DRC11: variants seen among roughly 807,000 people sequenced by gnomAD.
DRC11 encodes the protein dynein regulatory complex subunit 11, also known as IQ and AAA domain-containing protein 1.
At chr2:236,374,344 A>C in the DRC11 span, among the ~76,000 whole-genome samples, 1 of 152,280 alleles carries the variant, frequency 6.6e-6, no homozygotes, top group South Asian at 2.1e-4. Context: ...GAAAAAATGA[A>C]AATATGGACA....
At chr2:236,322,180 A>C in the DRC11 span, among the ~76,000 whole-genome samples, 4 of 151,660 alleles carry the variant, frequency 2.6e-5, no homozygotes, top group African/African-American at 9.7e-5. Flanking sequence ...TTTATTCTCC[A>C]AAATCAATCT....
the DRC11 span, among the ~76,000 whole-genome samples, chr2:236,494,889 G>T: frequency 5.9e-5 from 9 of 152,186 alleles, no homozygotes; most frequent in Non-Finnish European, 1.2e-4. This position sits in a 1 kb window ranked among gnomAD's most constrained non-coding sequence, Gnocchi z 4.2. Context: ...TAGTGGGTGG[G>T]TGTGGCCTGA....
At chr2:236,396,421 C>A in the DRC11 span, among the ~76,000 whole-genome samples, 1 of 151,984 alleles carries the variant, frequency 6.6e-6, no homozygotes, top group Non-Finnish European at 1.5e-5. Context: ...TTACCAAAGA[C>A]CTGGCAGATA....
the DRC11 span, among the ~76,000 whole-genome samples, chr2:236,418,323 C>G: frequency 6.6e-6 from 1 of 152,100 alleles, no homozygotes; most frequent in Non-Finnish European, 1.5e-5. Context: ...CTCTAATGAC[C>G]AGTGATAATG....
At chr2:236,341,222 T>C in the DRC11 span, among the ~76,000 whole-genome samples, 2 of 152,132 alleles carry the variant, frequency 1.3e-5, no homozygotes, top group African/African-American at 4.8e-5. Context: ...AGGGAGGCGC[T>C]TGCTAGATGA....
At chr2:236,393,956 G>A in the DRC11 span, among the ~76,000 whole-genome samples, 9 of 152,066 alleles carry the variant, frequency 5.9e-5, no homozygotes, top group Admixed American at 1.3e-4. The surrounding 1 kb of genome is among the most constrained non-coding windows in gnomAD (Gnocchi z 4.7). Flanking sequence ...CCTTCCTCAC[G>A]CTGATATGGT....
the DRC11 span, chr2:236,368,343 C>T: frequency 5.8e-4 from 708 of 1,228,220 alleles, 3 homozygotes; most frequent in East Asian, 2.0e-3. Flanking sequence ...TGGAAAACAG[C>T]GCTGGTCTGA....
the DRC11 span, among the ~76,000 whole-genome samples, chr2:236,358,169 TAATA>T: frequency 3.4e-3 from 418 of 122,194 alleles, 3 homozygotes; most frequent in African/African-American, 0.013. Flanking sequence ...TATGAATATA[TAATA>T]TATATACTCT....
the DRC11 span, among the ~76,000 whole-genome samples, chr2:236,365,162 G>A: frequency 2.0e-5 from 3 of 152,122 alleles, no homozygotes; most frequent in East Asian, 1.9e-4. This position sits in a 1 kb window ranked among gnomAD's most constrained non-coding sequence, Gnocchi z 7.4. Flanking sequence ...GGACTGTGGC[G>A]GGGAGTGACA....
At chr2:236,485,270 T>C in the DRC11 span, among the ~76,000 whole-genome samples, 1 of 151,984 alleles carries the variant, frequency 6.6e-6, no homozygotes, top group Admixed American at 6.6e-5. Context: ...ATATATAATA[T>C]ACATCATGTG....
the DRC11 span, chr2:236,465,670 A>G: frequency 1.2e-6 from 2 of 1,613,278 alleles, no homozygotes; most frequent in South Asian, 1.1e-5. This position sits in a 1 kb window ranked among gnomAD's most constrained non-coding sequence, Gnocchi z 6.2. Flanking sequence ...TTCAGCCTGG[A>G]TTACTGTAGC....
At chr2:236,364,830 A>C in the DRC11 span, among the ~76,000 whole-genome samples, 1 of 152,186 alleles carries the variant, frequency 6.6e-6, no homozygotes, top group Admixed American at 6.5e-5. Flanking sequence ...TATGATGATT[A>C]TGCTTTTCTT....
chr2:236,419,754 C>A, the DRC11 span, among the ~76,000 whole-genome samples: 1 of 152,124 alleles, frequency 6.6e-6, no homozygotes, highest in African/African-American at 2.4e-5. The surrounding 1 kb of genome is among the most constrained non-coding windows in gnomAD (Gnocchi z 4.8). Context: ...TAATTTATAT[C>A]CCCTACAGTG....
the DRC11 span, among the ~76,000 whole-genome samples, chr2:236,505,367 T>C: frequency 6.6e-6 from 1 of 152,188 alleles, no homozygotes; most frequent in Non-Finnish European, 1.5e-5. Context: ...ACCTTCTGAA[T>C]CTTCCAATCT....
chr2:236,331,231 A>T, the DRC11 span: 1 of 693,292 alleles, frequency 1.4e-6, no homozygotes, highest in South Asian at 1.8e-5. The surrounding 1 kb of genome is among the most constrained non-coding windows in gnomAD (Gnocchi z 4.8). Context: ...GTCATCCAAA[A>T]TTTCAGGTTT....
At chr2:236,317,061 C>T in the DRC11 span, among the ~76,000 whole-genome samples, 4 of 152,078 alleles carry the variant, frequency 2.6e-5, no homozygotes, top group Admixed American at 1.3e-4. The surrounding 1 kb of genome is among the most constrained non-coding windows in gnomAD (Gnocchi z 5.4). Flanking sequence ...TTTGGGAGGC[C>T]GAGGTGGGAG....
the DRC11 span, among the ~76,000 whole-genome samples, chr2:236,466,717 T>C: frequency 1.3e-5 from 2 of 152,296 alleles, no homozygotes; most frequent in African/African-American, 2.4e-5. Context: ...GGGATGGTGC[T>C]AAGCCATTCA....
chr2:236,354,444 G>C, the DRC11 span, among the ~76,000 whole-genome samples: 1 of 151,912 alleles, frequency 6.6e-6, no homozygotes, highest in Non-Finnish European at 1.5e-5. Context: ...GATGGTGGGG[G>C]GCGTCAGGCT....
the DRC11 span, among the ~76,000 whole-genome samples, chr2:236,475,332 T>C: frequency 6.6e-6 from 1 of 152,230 alleles, no homozygotes; most frequent in Non-Finnish European, 1.5e-5. The surrounding 1 kb of genome is among the most constrained non-coding windows in gnomAD (Gnocchi z 4.8). Flanking sequence ...CTGAATAATA[T>C]TCCATTGTGT....
Sources: allele counts gnomAD v4.1 joint callset (sites outside exome capture counted in the v4.1 genomes callset), GRCh38; gene constraint gnomAD v4.1.1; non-coding constraint Gnocchi (gnomAD v3.1); transcripts MANE v1.5; gene names NCBI Gene and HGNC (gene_info 2026-07-23, HGNC 2026-07-21).